The following ROR1 variants were observed in gnomAD, a reference collection of about 807,000 sequenced individuals.
ROR1 encodes inactive tyrosine-protein kinase transmembrane receptor ROR1.
ROR1 carries 19 observed loss-of-function variants against 78.8 expected under a neutral mutation model. The observed-to-expected ratio is 0.24, with a 90% CI of 0.17 to 0.35. ROR1 has a LOEUF of 0.35. ROR1 is among the 10% of genes least tolerant of loss of function. The pLI is 1.00. For synonymous variants in ROR1, 386 were observed against 433.6 expected, an observed-to-expected ratio of 0.89 and a Z score of 1.36; for missense variants, 917 against 1,177.8, an observed-to-expected ratio of 0.78 and a Z score of 3.24.
intron 4 of ROR1, among the ~76,000 whole-genome samples, chr1:64,064,885 CTTTTCTCCTTTGATCTTAGAGCCATCTAA>C (rs1646944461): frequency 6.6e-6 from 1 of 152,148 alleles, no homozygotes. Flanking sequence ...AATATTTTTT[CTTTTCTCCTTTGATCTTAGAGCCATCTAA>C]TAGCTTTGAC....
At position 64,141,869 on chromosome 1, in the gene ROR1, C is replaced by T. The variant is rs923779747; in HGVS notation, c.929-536C>T. ...GCTTTTAAGCCCCTCTGGCCACGTG[C>T]GAGGTCTTCTTAATGGGATCTGCTT... On this transcript the variant is annotated intron_variant, in intron 6 of 8. Transcript: ENST00000371079. 2.0e-4 allele frequency among the ~76,000 whole-genome samples: 30 copies of T among 152,182 alleles called. No homozygotes were observed. The East Asian group carries it at 2.1e-3, about 11-fold the overall frequency.
chr1:64,127,556 C>T (rs1426617765), intron 4 of ROR1, among the ~76,000 whole-genome samples: 3 of 151,794 alleles, frequency 2.0e-5, no homozygotes, highest in African/African-American at 7.3e-5. Context: ...TGTCTTTCCG[C>T]TGTGTGTGTC....
intron 4 of ROR1, among the ~76,000 whole-genome samples, chr1:64,127,413 TTCTCTGTCTC>T (rs749514617): frequency 1.1e-4 from 16 of 151,936 alleles, no homozygotes; most frequent in African/African-American, 2.2e-4. Flanking sequence ...CTCTCTCTCT[TTCTCTGTCTC>T]TCTCTGTCTC....
At chr1:64,014,838 A>G (rs1223195637) in intron 2 of ROR1, among the ~76,000 whole-genome samples, 6 of 139,074 alleles carry the variant, frequency 4.3e-5, no homozygotes, top group Non-Finnish European at 9.2e-5. Context: ...TTTAGCAGGG[A>G]AGTGTGCAGT....
chr1:63,816,265 T>C (rs770066403), intron 1 of ROR1, among the ~76,000 whole-genome samples: 1 of 152,138 alleles, frequency 6.6e-6, no homozygotes, highest in Non-Finnish European at 1.5e-5. Context: ...TGGCTCTGTG[T>C]CCCCACCCAA....
intron 1 of ROR1, among the ~76,000 whole-genome samples, chr1:63,818,605 C>T (rs550778302): frequency 2.0e-5 from 3 of 152,266 alleles, no homozygotes; most frequent in Non-Finnish European, 2.9e-5. Flanking sequence ...GTGCTTAGAA[C>T]AATCTTTTTT....
intron 1 of ROR1, among the ~76,000 whole-genome samples, chr1:63,967,752 C>T (rs1279148028): frequency 6.6e-6 from 1 of 152,210 alleles, no homozygotes; most frequent in Non-Finnish European, 1.5e-5. Flanking sequence ...CTCAGGGCCC[C>T]AGCTTCCTCA....
intron 1 of ROR1, among the ~76,000 whole-genome samples, chr1:63,892,510 T>TTTATATA (rs1285620056): frequency 6.6e-6 from 1 of 152,164 alleles, no homozygotes; most frequent in Admixed American, 6.5e-5. Flanking sequence ...GTAACTATGT[T>TTTATATA]TATTGTATAT....
intron 4 of ROR1, among the ~76,000 whole-genome samples, chr1:64,061,817 A>G (rs1646918941): frequency 6.6e-6 from 1 of 152,108 alleles, no homozygotes; most frequent in Non-Finnish European, 1.5e-5. Context: ...TTCTATCTAC[A>G]TTTGATGACT....
At chr1:64,147,106 G>A (rs11208367) in intron 7 of ROR1, among the ~76,000 whole-genome samples, 25,453 of 152,168 alleles carry the variant, frequency 0.17, 2,348 homozygotes, top group Non-Finnish European at 0.2. Context: ...ACATCATGCC[G>A]ATTTCCATTA....
At chr1:63,993,782 A>T (rs1262054066) in intron 1 of ROR1, among the ~76,000 whole-genome samples, 2 of 152,196 alleles carry the variant, frequency 1.3e-5, no homozygotes, top group Non-Finnish European at 2.9e-5. Flanking sequence ...ATTGCTGGAC[A>T]AGTAGGTTGT....
chr1:64,137,307 A>T, intron 4 of ROR1, 62 bp from the exon 5 acceptor site: 1 of 1,592,338 alleles, frequency 6.3e-7, no homozygotes, highest in Admixed American at 1.7e-5. Flanking sequence ...GCGCAGTCAG[A>T]GCTTGCTGTG....
intron 4 of ROR1, among the ~76,000 whole-genome samples, chr1:64,062,377 T>C (rs1382047749): frequency 6.6e-6 from 1 of 152,148 alleles, no homozygotes; most frequent in Non-Finnish European, 1.5e-5. Flanking sequence ...AGTGGCACAA[T>C]CTTGGCTCAC....
At chr1:64,082,100 A>G (rs892727728) in intron 4 of ROR1, among the ~76,000 whole-genome samples, 1 of 152,178 alleles carries the variant, frequency 6.6e-6, no homozygotes, top group Non-Finnish European at 1.5e-5. Flanking sequence ...GTAGAGATTG[A>G]TTACTGGATA....
In ROR1 at chr1:63,774,665, G is replaced by A. The variant is rs1373078160; in HGVS notation, c.91+157G>A. ...GGGCTCGCCGGCGCCGCCAGGCCAG[G>A]GTTTGCCCCGGAGCCCCGCCAGGCC... On this transcript the variant is annotated intron_variant, in intron 1 of 8. Transcript: ENST00000371079. The surrounding 1 kb of genome is among the most constrained non-coding windows in gnomAD (Gnocchi z 5.7). Among the ~76,000 whole-genome samples the A allele has an allele frequency of 6.6e-6, 1 of 150,416 alleles. No homozygotes were observed. Among genetic ancestry groups the A allele is most frequent in the Non-Finnish European group, 1.5e-5 (1 of 67,436 alleles).
In ROR1 at chr1:63,950,165, G is replaced by A. The variant is rs369320706; in HGVS notation, c.92-59140G>A. ...CCATGAGAGGATTCTTGGATCTTGC[G>A]CAAGACAGAATTCGAGGCAAGTCCA... is the stretch of plus-strand genomic sequence containing the variant. On this transcript the variant is annotated intron_variant, in intron 1 of 8. Transcript: ENST00000371079. 1.8e-4 allele frequency among the ~76,000 whole-genome samples: 28 copies of A among 152,290 alleles called. No individual in the cohort carries two copies. The East Asian group carries it at 4.5e-3, about 24-fold the overall frequency.
At chr1:63,789,697 G>C (rs75422974) in intron 1 of ROR1, among the ~76,000 whole-genome samples, 1 of 56,222 alleles carries the variant, frequency 1.8e-5, no homozygotes, top group Admixed American at 2.3e-4. Flanking sequence ...TTTTTTTTTT[G>C]TCTTTAAACA....
chr1:63,864,462 C>T (rs1387977124), intron 1 of ROR1, among the ~76,000 whole-genome samples: 1 of 152,148 alleles, frequency 6.6e-6, no homozygotes, highest in Non-Finnish European at 1.5e-5. Context: ...CTCATGAACC[C>T]TTGGAAATTG....
intron 7 of ROR1, chr1:64,142,909 A>G: frequency 7.6e-7 from 1 of 1,317,602 alleles, no homozygotes; most frequent in East Asian, 3.2e-5. Flanking sequence ...AGCCCTTCAG[A>G]GGCACAGTTG....
Sources: allele counts gnomAD v4.1 joint callset (sites outside exome capture counted in the v4.1 genomes callset), GRCh38; gene constraint gnomAD v4.1.1; non-coding constraint Gnocchi (gnomAD v3.1); transcripts MANE v1.5; gene names NCBI Gene and HGNC (gene_info 2026-07-23, HGNC 2026-07-21).